Variants in TFAP2D observed in about 807,000 individuals in gnomAD.
The protein encoded by TFAP2D is transcription factor AP-2 delta.
In TFAP2D, 9 loss-of-function variants were observed where a neutral mutation model predicts 43.6. The observed-to-expected ratio is 0.21, with a 90% CI of 0.12 to 0.36. TFAP2D has a LOEUF of 0.36. Among genes scored for constraint, TFAP2D ranks in the 10% least tolerant of loss-of-function variants. The pLI is 1.00. For missense variants in TFAP2D, 513 were observed against 561.4 expected, an observed-to-expected ratio of 0.91 and a Z score of 0.87; for synonymous variants, 256 against 224.9, an observed-to-expected ratio of 1.14 and a Z score of -1.24.
chr6:50,773,013 A>G lies in TFAP2D; in HGVS notation c.*149A>G. 1 of 777,386 alleles carries G rather than the reference A, an allele frequency of 1.3e-6. No individual in the cohort carries two copies. The highest frequency in any genetic ancestry group is 1.9e-6 in the Non-Finnish European group (1 of 514,276). 48.2% of individuals were successfully genotyped at this position (777,386 alleles called of 1,614,324 possible). Reference sequence around the variant, plus strand: ...AAAACAAAAATGGAAATGAAAAATGAAACAAAAAAGGACAAAACCAAAAAA... The same window carrying G: ...AAAACAAAAATGGAAATGAAAAATGGAACAAAAAAGGACAAAACCAAAAAA... On this transcript the variant is annotated 3_prime_UTR_variant, in exon 8 of 8. Transcript: ENST00000008391.
intron 5 of TFAP2D, among the ~76,000 whole-genome samples, chr6:50,730,714 A>G (rs1379041832): frequency 6.6e-6 from 1 of 152,130 alleles, no homozygotes; most frequent in Non-Finnish European, 1.5e-5. Context: ...GAGTCAATTG[A>G]AAAGATTTCT....
Position 50,766,126 on chromosome 6 carries a change from C to T in TFAP2D, c.1140-6519C>T, listed in dbSNP as rs930474998. 2.6e-5 allele frequency among the ~76,000 whole-genome samples: 4 copies of T among 152,132 alleles called. No homozygotes were observed. In the East Asian group the frequency reaches 5.8e-4, roughly 22 times the overall value. On this transcript the variant is annotated intron_variant, in intron 7 of 7. Transcript: ENST00000008391. ...AGAACCATTTATTGAAGAGACCATC[C>T]TTTTCCCATTGTGTATTCATTAAGA... is the stretch of plus-strand genomic sequence containing the variant.
At chr6:50,759,855 A>G (rs895309829) in intron 7 of TFAP2D, among the ~76,000 whole-genome samples, 28 of 152,034 alleles carry the variant, frequency 1.8e-4, no homozygotes, top group Admixed American at 5.3e-4. Flanking sequence ...TAAGTGGCTG[A>G]GGAGAACAGA....
rs1313181096 is a variant in TFAP2D at position 50,714,002 on chromosome 6, C to T, written c.-54C>T. ...ACAAGAAGTTTGGATTTTTTTTTCC[C>T]GATTCTTTTTTTGGAGGGGGAAATT... On this transcript the variant is annotated 5_prime_UTR_variant, in exon 1 of 8. Coordinates refer to ENST00000008391, the MANE Select transcript of TFAP2D (RefSeq NM_172238.4). The T allele has an allele frequency of 5.0e-6, 8 of 1,604,404 alleles. No individual in the cohort carries two copies. Among genetic ancestry groups the T allele is most frequent in the Non-Finnish European group, 6.8e-6 (8 of 1,176,594 alleles).
rs370268895 is a variant in TFAP2D, at chr6:50,715,531, C to G, written c.455C>G (p.Ser152Cys). The G allele has an allele frequency of 7.4e-6, 12 of 1,612,322 alleles. No individual in the cohort carries two copies. The African/African-American group carries it at 8.0e-5, about 11-fold the overall frequency. ...RHDLSLMSHG[S>C]QYGMHPDQRL... is the part of the protein sequence containing the mutation. The stretch of plus-strand genomic sequence containing the variant: ...GACCTGTCCCTCATGAGCCATGGCT[C>G]TCAGTATGGAATGCACCCAGATCAA... Residue 152 changes from serine to cysteine, a missense_variant, in exon 2 of 8, where the codon TCT becomes TGT. Physicochemically the swap from Ser to Cys is moderately radical, Grantham distance 112. Around this residue, in one of 3 missense-constraint regions of TFAP2D, gnomAD observed 311 missense variants for 316.2 expected, o/e 0.98. Coordinates refer to ENST00000008391, the MANE Select transcript of TFAP2D (RefSeq NM_172238.4).
At chr6:50,764,406 C>G (rs1021439991) in intron 7 of TFAP2D, among the ~76,000 whole-genome samples, 3 of 152,104 alleles carry the variant, frequency 2.0e-5, no homozygotes, top group African/African-American at 7.2e-5. Flanking sequence ...ATTCTTGGAA[C>G]AAAACTTTGA....
intron 5 of TFAP2D, among the ~76,000 whole-genome samples, chr6:50,736,293 G>C (rs969963351): frequency 1.3e-5 from 2 of 152,130 alleles, no homozygotes; most frequent in African/African-American, 2.4e-5. Context: ...AAGCTCTGCT[G>C]TTCCCTTTTA....
chr6:50,772,042 C>T (rs1484422752), intron 7 of TFAP2D, among the ~76,000 whole-genome samples: 1 of 152,128 alleles, frequency 6.6e-6, no homozygotes, highest in Admixed American at 6.5e-5. Flanking sequence ...CACATATACA[C>T]CATGGAATAC....
intron 6 of TFAP2D, among the ~76,000 whole-genome samples, chr6:50,749,737 T>C (rs943735463): frequency 1.3e-5 from 2 of 151,780 alleles, no homozygotes; most frequent in African/African-American, 4.8e-5. Context: ...AGCAACTGAG[T>C]CTCACAACAG....
At chr6:50,734,639 A>G (rs948849758) in intron 5 of TFAP2D, among the ~76,000 whole-genome samples, 2 of 151,952 alleles carry the variant, frequency 1.3e-5, no homozygotes, top group African/African-American at 4.8e-5. Flanking sequence ...CTTCTTATCC[A>G]CTCTAGCCAG....
chr6:50,719,447 G>GAGAAAGA (rs1554151925), intron 3 of TFAP2D, among the ~76,000 whole-genome samples: 2 of 131,690 alleles, frequency 1.5e-5, no homozygotes, highest in African/African-American at 5.8e-5. Context: ...AAAAGACAGA[G>GAGAAAGA]AGAAAGAAAG....
At chr6:50,760,612 A>T (rs1052508097) in intron 7 of TFAP2D, among the ~76,000 whole-genome samples, 3 of 152,160 alleles carry the variant, frequency 2.0e-5, no homozygotes, top group Admixed American at 2.0e-4. Context: ...TCCATTTTAA[A>T]AGTACTTGGG....
intron 7 of TFAP2D, among the ~76,000 whole-genome samples, chr6:50,757,951 C>T (rs79608033): frequency 0.02 from 2,946 of 148,620 alleles, 47 homozygotes; most frequent in Middle Eastern, 0.063. Context: ...TAGTACATAG[C>T]GAATAGTATG....
chr6:50,721,348 T>C (rs1018099420), intron 3 of TFAP2D, among the ~76,000 whole-genome samples: 2 of 152,226 alleles, frequency 1.3e-5, no homozygotes, highest in Non-Finnish European at 2.9e-5. Flanking sequence ...TTTATTCCAT[T>C]TCCACGTGTC....
chr6:50,736,794 A>G (rs1171128862), intron 5 of TFAP2D, among the ~76,000 whole-genome samples: 1 of 152,072 alleles, frequency 6.6e-6, no homozygotes, highest in Non-Finnish European at 1.5e-5. Flanking sequence ...ATATAGCCAA[A>G]CCAATTTGCC....
intron 5 of TFAP2D, among the ~76,000 whole-genome samples, chr6:50,735,943 G>C (rs1364349643): frequency 6.6e-6 from 1 of 152,118 alleles, no homozygotes; most frequent in Admixed American, 6.6e-5. Context: ...TCTGTTTAGG[G>C]AATGCTCATT....
At chr6:50,744,981 A>G in intron 5 of TFAP2D, 126 bp from the exon 6 acceptor site, 3 of 1,200,976 alleles carry the variant, frequency 2.5e-6, no homozygotes, top group Non-Finnish European at 3.4e-6. Flanking sequence ...TTTTTCTTGA[A>G]TAGTTTAAGT....
At chr6:50,750,340 T>G (rs1227954700) in intron 6 of TFAP2D, among the ~76,000 whole-genome samples, 1 of 152,032 alleles carries the variant, frequency 6.6e-6, no homozygotes, top group Non-Finnish European at 1.5e-5. Context: ...TATTATCCCT[T>G]GATTTATGGA....
chr6:50,768,903 C>CTTTT (rs34182627), intron 7 of TFAP2D, among the ~76,000 whole-genome samples: 16 of 127,880 alleles, frequency 1.3e-4, no homozygotes, highest in South Asian at 2.6e-4. Flanking sequence ...AACGAAGTGG[C>CTTTT]TTTTTTTTTT....
Sources: allele counts gnomAD v4.1 joint callset (sites outside exome capture counted in the v4.1 genomes callset), GRCh38; gene constraint gnomAD v4.1.1; regional missense constraint gnomAD v4.1.1; transcripts MANE v1.5; gene names NCBI Gene and HGNC (gene_info 2026-07-23, HGNC 2026-07-21).